RGL3: variants seen among roughly 807,000 people sequenced by gnomAD.
RGL3 encodes the protein ral guanine nucleotide dissociation stimulator like 3, also known as ral guanine nucleotide dissociation stimulator-like 3.
Under a neutral mutation model 90.6 loss-of-function variants are expected in RGL3, and 85 were observed. The observed-to-expected ratio is 0.94, with a 90% confidence interval of 0.79 to 1.12. The LOEUF is 1.12. Among genes scored for constraint, RGL3 ranks in the 50% most tolerant of loss-of-function variants. The probability of loss-of-function intolerance (pLI) is 0.00; values close to 1 mark genes in which losing one functional copy is unlikely to be tolerated. For missense variants in RGL3, 1,034 were observed against 939.2 expected (o/e 1.10, Z -1.32); for synonymous variants, 408 against 385.5 (o/e 1.06, Z -0.68).
At chr19:11,416,726 G>C (rs762170593) in intron 3 of RGL3, 59 bp from the exon 4 acceptor site, 2 of 1,597,772 alleles carry the variant, frequency 1.3e-6, no homozygotes, top group East Asian at 2.2e-5. Context: ...CTTAGGAAGA[G>C]GGCTCTGGGT....
intron 9 of RGL3, among the ~76,000 whole-genome samples, chr19:11,403,334 C>CA (rs1968714182): frequency 7.1e-6 from 1 of 141,608 alleles, no homozygotes; most frequent in Admixed American, 6.9e-5. Context: ...CGTGCCCGGC[C>CA]AAAAAAATTT....
intron 1 of RGL3, 59 bp from the exon 2 acceptor site, chr19:11,418,843 C>T (rs1969054087): frequency 1.4e-6 from 2 of 1,381,916 alleles, no homozygotes; most frequent in East Asian, 2.6e-5. Context: ...GCCTCAGCCT[C>T]CTTGGCCGCT....
intron 13 of RGL3, among the ~76,000 whole-genome samples, chr19:11,400,804 G>A (rs957012252): frequency 8.6e-5 from 13 of 151,524 alleles, no homozygotes; most frequent in African/African-American, 2.4e-4. Flanking sequence ...ACAGTGAGCC[G>A]AGATCACTCC....
intron 4 of RGL3, 69 bp from the exon 5 acceptor site, chr19:11,416,217 T>TC: frequency 3.6e-5 from 1 of 28,038 alleles, no homozygotes; most frequent in Non-Finnish European, 4.9e-5. Context: ...TCCTGGTACC[T>TC]TTTTTTTTTT....
rs394497 is a variant in RGL3, at chr19:11,396,986, T to C, written c.2014+258A>G. Among the ~76,000 whole-genome samples, 34,091 of 151,972 alleles carry C rather than the reference T, an allele frequency of 0.22. 7,208 individuals carry two copies. The highest frequency in any genetic ancestry group is 0.56 in the African/African-American group (23,220 of 41,382). Reference sequence around the variant, plus strand: ...CCTGGCCGGACCCTGGACAATCTTATTGTCTTTTAAATTTTAGGAAGATGA... The same window carrying C: ...CCTGGCCGGACCCTGGACAATCTTACTGTCTTTTAAATTTTAGGAAGATGA... On this transcript the variant is annotated intron_variant, in intron 18 of 18. Coordinates refer to ENST00000380456, the MANE Select transcript of RGL3 (RefSeq NM_001035223.4).
chr19:11,419,169 C>T, intron 1 of RGL3, 77 bp downstream of exon 1: 2 of 1,501,028 alleles, frequency 1.3e-6, no homozygotes, highest in Non-Finnish European at 1.8e-6. Flanking sequence ...AGATACCGTC[C>T]GACGGGCGGG....
chr19:11,402,134 TGGAGGACGAGCCTCTAAGA>T lies in RGL3; in HGVS notation c.1363-21_1363-3del. 6.2e-7 allele frequency: 1 copy of T among 1,608,532 alleles called. No individual in the cohort carries two copies. The highest frequency in any genetic ancestry group is 1.7e-5 in the Admixed American group (1 of 59,632). ...GATGCGGGCCAGGATCTCCCACTCC[TGGAGGACGAGCCTCTAAGA>T]CCCTACCCCTGCCCCACCCCCACCC... On this transcript the variant is annotated splice_region_variant and splice_polypyrimidine_tract_variant and intron_variant, in intron 12 of 18. Coordinates refer to ENST00000380456, the MANE Select transcript of RGL3 (RefSeq NM_001035223.4).
rs1373848723 is a variant in RGL3 at position 11,396,154 on chromosome 19, ATATATTTTTTTTT to A, written c.2014+1077_2014+1089del. ...TCTCTCTCTATATATATATATATAT[ATATATTTTTTTTT>A]TTTTTTTTTTTTTTTTTTTGAGACA... On this transcript the variant is annotated intron_variant, in intron 18 of 18. Transcript: ENST00000380456. Among the ~76,000 whole-genome samples the A allele has an allele frequency of 1.5e-4, 10 of 65,886 alleles. No homozygotes were observed. The East Asian group carries it at 2.4e-3, about 16-fold the overall frequency. The allele number at this position is 65,886 out of a possible 152,430, so 43.2% of individuals were successfully genotyped here.
At chr19:11,419,094 G>A (rs368928731) in intron 1 of RGL3, 152 bp downstream of exon 1, 9 of 811,944 alleles carry the variant, frequency 1.1e-5, no homozygotes, top group East Asian at 8.5e-5. Context: ...GGAACCAGTC[G>A]CTTCACTGGG....
At chr19:11,415,578 C>G (rs375262528) in intron 5 of RGL3, among the ~76,000 whole-genome samples, 3 of 152,024 alleles carry the variant, frequency 2.0e-5, no homozygotes, top group African/African-American at 7.3e-5. Flanking sequence ...CGGGTTCAAA[C>G]GATTCTCCTG....
At chr19:11,409,262 C>T (rs1016914395) in intron 5 of RGL3, among the ~76,000 whole-genome samples, 2 of 151,894 alleles carry the variant, frequency 1.3e-5, no homozygotes, top group East Asian at 1.9e-4. Context: ...GGGTAGATCA[C>T]GAGGTCAGGA....
chr19:11,410,921 AC>A (rs745525608), intron 5 of RGL3, among the ~76,000 whole-genome samples: 74 of 152,106 alleles, frequency 4.9e-4, no homozygotes, highest in Non-Finnish European at 9.0e-4. Context: ...TTAGGAACAA[AC>A]GACCGGTAGG....
chr19:11,406,341 A>G (rs566819975), intron 7 of RGL3, 78 bp downstream of exon 7: 17 of 1,342,444 alleles, frequency 1.3e-5, no homozygotes, highest in Admixed American at 2.1e-5. Context: ...ACTCGCCCCT[A>G]TCTCTCTCCG....
At chr19:11,415,151 A>C (rs1449631213) in intron 5 of RGL3, among the ~76,000 whole-genome samples, 1 of 151,754 alleles carries the variant, frequency 6.6e-6, no homozygotes, top group Non-Finnish European at 1.5e-5. Flanking sequence ...AGATAAAAAA[A>C]TAAAATTAAA....
intron 5 of RGL3, among the ~76,000 whole-genome samples, chr19:11,413,810 C>T (rs1968912875): frequency 6.8e-6 from 1 of 147,162 alleles, no homozygotes; most frequent in Non-Finnish European, 1.5e-5. Flanking sequence ...GTGGCTTGAT[C>T]TCAGCTCACT....
chr19:11,405,120 A>G (rs1968747421), intron 9 of RGL3, 27 bp downstream of exon 9: 3 of 1,602,612 alleles, frequency 1.9e-6, no homozygotes, highest in South Asian at 2.2e-5. Context: ...CGGGCCTAAA[A>G]TCCCTGGAGT....
rs769752308 is a variant in RGL3, at chr19:11,399,929, A to AG, written c.1671dup (p.Ser558LeufsTer4). ...GGAGCATCTCTGCTTCTAGGACTTGAGGGGGGTGACCCTGGGGACACACTG... is the reference window on the plus strand; with the variant it reads ...GGAGCATCTCTGCTTCTAGGACTTGAGGGGGGGTGACCCTGGGGACACACTG... On this transcript the variant is annotated frameshift_variant, in exon 16 of 19. Transcript: ENST00000380456. LOFTEE classifies it high-confidence loss of function. 3 of 1,542,118 alleles carry AG rather than the reference A, an allele frequency of 1.9e-6. No homozygotes were observed. Among genetic ancestry groups the AG allele is most frequent in the South Asian group, 1.2e-5 (1 of 80,672 alleles).
At chr19:11,402,383 T>C (rs936106644) in intron 11 of RGL3, 72 bp downstream of exon 11, 2 of 1,564,494 alleles carry the variant, frequency 1.3e-6, no homozygotes, top group African/African-American at 1.4e-5. Context: ...GGATCAAGGG[T>C]GGATATTGGG....
chr19:11,416,504 C>A, intron 4 of RGL3, 110 bp downstream of exon 4: 1 of 1,082,788 alleles, frequency 9.2e-7, no homozygotes, highest in South Asian at 1.3e-5. Flanking sequence ...CCACCTGACT[C>A]CCAGTCTCTT....
Sources: gnomAD v4.1 joint callset for allele counts (sites outside exome capture counted in the v4.1 genomes callset) on GRCh38, gnomAD v4.1.1 for gene constraint, MANE v1.5 for transcripts, NCBI Gene and HGNC (gene_info 2026-07-23, HGNC 2026-07-21) for gene names.